Variants in CTDP1 observed in about 807,000 individuals in gnomAD.
The protein encoded by CTDP1 is CTD phosphatase 1.
CTDP1 carries 47 observed loss-of-function variants against 91.8 expected under a neutral mutation model. That is an observed-to-expected ratio of 0.51 (90% CI 0.41 to 0.65). The LOEUF is 0.65. CTDP1 is among the 30% of genes least tolerant of loss of function. The probability of loss-of-function intolerance (pLI) is 0.00; values close to 1 mark genes in which losing one functional copy is unlikely to be tolerated. For synonymous variants in CTDP1, 656 were observed against 598.5 expected, an observed-to-expected ratio of 1.10 and a Z score of -1.40; for missense variants, 1,272 against 1,373.7, an observed-to-expected ratio of 0.93 and a Z score of 1.17.
At chr18:79,696,341 C>T (rs1036523377) in intron 3 of CTDP1, among the ~76,000 whole-genome samples, 1 of 152,202 alleles carries the variant, frequency 6.6e-6, no homozygotes, top group Non-Finnish European at 1.5e-5. Flanking sequence ...GTGCTGCCGC[C>T]GCAGCTGTGA....
intron 3 of CTDP1, among the ~76,000 whole-genome samples, chr18:79,697,351 C>G (rs1442598310): frequency 6.6e-6 from 1 of 152,208 alleles, no homozygotes. Flanking sequence ...GTTAGGAGCT[C>G]CACTCTGGGC....
In CTDP1 at chr18:79,715,288, C is replaced by A. The variant is rs755884007; in HGVS notation, c.1828C>A (p.Arg610Ser). The A allele has an allele frequency of 6.2e-7, 1 of 1,610,206 alleles. No homozygotes were observed. Among genetic ancestry groups the A allele is most frequent in the Non-Finnish European group, 8.5e-7 (1 of 1,178,286 alleles). The change falls in exon 8 of 13, where the codon CGC (arginine) becomes AGC (serine). Residue 610 changes from arginine to serine, a missense_variant. By Grantham distance (110) the Arg-to-Ser change is moderately radical. Transcript: ENST00000613122. ...VHTDYYAKYD[R>S]YLNKEIEEAP... ...CACTGACTACTATGCCAAGTATGACCGCTACCTCAACAAGGAGATCGAGGA... is the reference window on the plus strand; with the variant it reads ...CACTGACTACTATGCCAAGTATGACAGCTACCTCAACAAGGAGATCGAGGA...
intron 2 of CTDP1, among the ~76,000 whole-genome samples, chr18:79,695,578 G>A (rs931075499): frequency 4.6e-5 from 7 of 152,194 alleles, no homozygotes; most frequent in Admixed American, 1.3e-4. Context: ...GACTGAAGAC[G>A]CAGATCGCTG....
chr18:79,686,974 C>T (rs2085510133), intron 1 of CTDP1, among the ~76,000 whole-genome samples: 1 of 139,996 alleles, frequency 7.1e-6, no homozygotes, highest in Non-Finnish European at 1.5e-5. Flanking sequence ...TTGGCTTCTC[C>T]AGTTCACTGG....
chr18:79,713,206 C>G lies in CTDP1; in HGVS notation c.1030+68C>G. On this transcript the variant is annotated intron_variant, in intron 7 of 12. Coordinates refer to ENST00000613122, the MANE Select transcript of CTDP1 (RefSeq NM_004715.5). The surrounding 1 kb of genome is among the most constrained non-coding windows in gnomAD (Gnocchi z 4.7). ...GCTTATTGTTTAGCTCTTCTTATTTCTTATCTCTGTTTTGACTGCTATAAA... is the reference window on the plus strand; with the variant it reads ...GCTTATTGTTTAGCTCTTCTTATTTGTTATCTCTGTTTTGACTGCTATAAA... The G allele has an allele frequency of 6.8e-7, 1 of 1,472,692 alleles. No individual in the cohort carries two copies. The allele number at this position is 1,472,692 out of a possible 1,614,324, so 91.2% of individuals were successfully genotyped here.
chr18:79,744,830 G>GAGGGGCC (rs995642818), intron 12 of CTDP1, among the ~76,000 whole-genome samples: 1 of 152,202 alleles, frequency 6.6e-6, no homozygotes, highest in African/African-American at 2.4e-5. Flanking sequence ...GCTGCCCCTG[G>GAGGGGCC]AGGGGCCACA....
intron 1 of CTDP1, among the ~76,000 whole-genome samples, chr18:79,692,859 A>T (rs560239205): frequency 2.5e-3 from 382 of 152,336 alleles, no homozygotes; most frequent in Non-Finnish European, 4.8e-3. Context: ...TTGCAAAATG[A>T]TGTCAGCTGG....
At chr18:79,711,976 C>T (rs946623344) in intron 6 of CTDP1, among the ~76,000 whole-genome samples, 6 of 10,754 alleles carry the variant, frequency 5.6e-4, no homozygotes, top group Admixed American at 3.8e-3. Flanking sequence ...CAGCCACTTC[C>T]TGGTTCTCGG....
At position 79,714,794 on chromosome 18, in the gene CTDP1, C is replaced by T. The variant is rs1207367510; in HGVS notation, c.1334C>T (p.Ala445Val). 1.9e-6 allele frequency: 3 copies of T among 1,603,124 alleles called. No homozygotes were observed. Among genetic ancestry groups the T allele is most frequent in the Admixed American group, 1.7e-5 (1 of 58,044 alleles). ...CCGGGACAGCGGCCTGCCCAGGGTG[C>T]CACGGGCACTGACCTGGACTTTGAC... ...VAPGQRPAQG[A>V]TGTDLDFDLS... is the part of the protein sequence containing the mutation. The change falls in exon 8 of 13, where the codon GCC (alanine) becomes GTC (valine). Residue 445 changes from alanine to valine, a missense_variant. Physicochemically the swap from Ala to Val is moderately conservative, Grantham distance 64 (BLOSUM62 0). Around this residue, in one of 3 missense-constraint regions of CTDP1, gnomAD observed 881 missense variants for 911.6 expected, o/e 0.97. Transcript: ENST00000613122.
intron 3 of CTDP1, among the ~76,000 whole-genome samples, chr18:79,696,486 T>TG (rs1314930985): frequency 3.4e-5 from 5 of 146,582 alleles, no homozygotes; most frequent in Non-Finnish European, 7.5e-5. Context: ...AAGCGCATAT[T>TG]GGGGCAGATA....
chr18:79,713,514 C>A lies in CTDP1; in HGVS notation c.1030+376C>A, dbSNP rs572333534. The stretch of plus-strand genomic sequence containing the variant: ...GGGCGGTGGCTCTGCGGGGAATAAC[C>A]GTTCCCCATGCGCAGTGGTCAGGCT... On this transcript the variant is annotated intron_variant, in intron 7 of 12. Transcript: ENST00000613122. The surrounding 1 kb of genome is among the most constrained non-coding windows in gnomAD (Gnocchi z 4.7). Among the ~76,000 whole-genome samples, 18 of 152,180 alleles carry A rather than the reference C, an allele frequency of 1.2e-4. No homozygotes were observed. Among genetic ancestry groups the A allele is most frequent in the Non-Finnish European group, 2.5e-4 (17 of 68,028 alleles).
At chr18:79,736,571 T>C (rs754726506) in intron 12 of CTDP1, 50 bp downstream of exon 12, 2 of 1,479,998 alleles carry the variant, frequency 1.4e-6, no homozygotes, top group South Asian at 1.3e-5. Context: ...CTCCCGGAGG[T>C]GACTCTGCAG....
upstream of CTDP1, chr18:79,679,403 T>C (rs2085304312): frequency 4.4e-6 from 2 of 455,412 alleles, no homozygotes; most frequent in Admixed American, 2.4e-5. Context: ...CAGTGCGCGA[T>C]GGGAGTGGAG....
chr18:79,708,043 G>A (rs865863782), intron 5 of CTDP1, among the ~76,000 whole-genome samples: 2 of 152,140 alleles, frequency 1.3e-5, no homozygotes, highest in Admixed American at 6.5e-5. Flanking sequence ...AGAAACAATC[G>A]CATTTATTTC....
At chr18:79,737,654 G>A (rs1411068544) in intron 12 of CTDP1, among the ~76,000 whole-genome samples, 2 of 152,056 alleles carry the variant, frequency 1.3e-5, no homozygotes, top group Non-Finnish European at 2.9e-5. Flanking sequence ...ATGTCCTTGT[G>A]TGAAAGGCAG....
intron 5 of CTDP1, among the ~76,000 whole-genome samples, chr18:79,706,426 A>T (rs1599235371): frequency 6.6e-6 from 1 of 152,356 alleles, no homozygotes; most frequent in East Asian, 1.9e-4. Context: ...AACCGCAGGG[A>T]CAGTGACGCC....
rs2086126949 is a variant in CTDP1 at position 79,713,624 on chromosome 18, TGTTTTTTGATCTTTA to T, written c.1030+496_1030+510del. On this transcript the variant is annotated intron_variant, in intron 7 of 12. Transcript: ENST00000613122. This position sits in a 1 kb window ranked among gnomAD's most constrained non-coding sequence, Gnocchi z 4.7. ...TGACGTCCACCCTACGAAAGTTAAG[TGTTTTTTGATCTTTA>T]GTTTTTTGAAAAATATTTTGAGGCA... Among the ~76,000 whole-genome samples, 1 of 152,238 alleles carries T rather than the reference TGTTTTTTGATCTTTA, an allele frequency of 6.6e-6. No homozygotes were observed. Among genetic ancestry groups the T allele is most frequent in the Non-Finnish European group, 1.5e-5 (1 of 68,046 alleles).
intron 11 of CTDP1, among the ~76,000 whole-genome samples, chr18:79,732,472 ACG>A (rs2086585903): frequency 2.3e-5 from 2 of 87,730 alleles, no homozygotes; most frequent in African/African-American, 4.1e-5. Context: ...TCCCAAAATC[ACG>A]TGAGACATGA....
At chr18:79,701,500 A>G (rs1177775214) in intron 4 of CTDP1, among the ~76,000 whole-genome samples, 2 of 150,094 alleles carry the variant, frequency 1.3e-5, no homozygotes, top group African/African-American at 2.5e-5. Flanking sequence ...ACAGAGCAAG[A>G]CTCCATCTCA....
Sources: allele counts gnomAD v4.1 joint callset (sites outside exome capture counted in the v4.1 genomes callset), GRCh38; gene constraint gnomAD v4.1.1; regional missense constraint gnomAD v4.1.1; non-coding constraint Gnocchi (gnomAD v3.1); transcripts MANE v1.5; gene names NCBI Gene and HGNC (gene_info 2026-07-23, HGNC 2026-07-21).